The following SFMBT2 variants were observed in gnomAD, a reference collection of about 807,000 sequenced individuals.
The protein encoded by SFMBT2 is Scm like with four mbt domains 2.
SFMBT2 carries 38 observed loss-of-function variants against 110.1 expected under a neutral mutation model. That is an observed-to-expected ratio of 0.35 (90% CI 0.27 to 0.45). The LOEUF is 0.45. SFMBT2 is among the 20% of genes least tolerant of loss of function. SFMBT2 has a pLI of 1.00. For missense variants in SFMBT2, 1,011 were observed against 1,094.9 expected, an observed-to-expected ratio of 0.92 and a Z score of 1.08; for synonymous variants, 425 against 425.4, an observed-to-expected ratio of 1.00 and a Z score of 0.01.
rs776094094 is a variant in SFMBT2 at position 7,381,889 on chromosome 10, T to C, written c.10A>G (p.Thr4Ala). Residue 4 changes from threonine (T) to alanine (A), a missense_variant, in exon 2 of 21, where the codon ACT becomes GCT. Transcript: ENST00000397167. ...TCTTGCATATTGGAAGCTGACAAAG[T>C]GCTCTCCATGCCTGATGAGCAAGTG... MES[T>A]LSASNMQDPS... 1.2e-6 allele frequency: 2 copies of C among 1,610,250 alleles called. No individual in the cohort carries two copies. The highest frequency in any genetic ancestry group is 1.7e-5 in the Admixed American group (1 of 59,944).
chr10:7,182,013 C>T (rs946947513), intron 16 of SFMBT2, among the ~76,000 whole-genome samples: 2 of 152,106 alleles, frequency 1.3e-5, no homozygotes, highest in African/African-American at 4.8e-5. Context: ...CGTGACAGAC[C>T]TGGGGATGGC....
chr10:7,297,366 C>T (rs890689397), intron 4 of SFMBT2, among the ~76,000 whole-genome samples: 8 of 152,206 alleles, frequency 5.3e-5, no homozygotes, highest in African/African-American at 1.9e-4. Flanking sequence ...CTAACCTCTC[C>T]AGGTGTGTTT....
At chr10:7,409,660 A>T (rs1347386536) in intron 1 of SFMBT2, among the ~76,000 whole-genome samples, 2 of 151,908 alleles carry the variant, frequency 1.3e-5, no homozygotes, top group Non-Finnish European at 2.9e-5. Context: ...AAAACCGGAC[A>T]GCCCATTCCT....
intron 4 of SFMBT2, among the ~76,000 whole-genome samples, chr10:7,336,334 C>T (rs1297930021): frequency 6.6e-6 from 1 of 152,228 alleles, no homozygotes; most frequent in African/African-American, 2.4e-5. Flanking sequence ...AATTTCTAGA[C>T]TGGCTTGCCT....
intron 7 of SFMBT2, among the ~76,000 whole-genome samples, chr10:7,253,392 G>T (rs376929349): frequency 6.6e-5 from 10 of 152,158 alleles, no homozygotes; most frequent in South Asian, 2.1e-4. Flanking sequence ...CACTTGTGGG[G>T]TCTGCACTGC....
chr10:7,268,589 C>T (rs1341791288), intron 7 of SFMBT2, among the ~76,000 whole-genome samples: 2 of 152,050 alleles, frequency 1.3e-5, no homozygotes, highest in East Asian at 1.9e-4. Context: ...CGGCTCACTG[C>T]AATCTCCACC....
At chr10:7,229,879 C>T (rs538866021) in intron 9 of SFMBT2, among the ~76,000 whole-genome samples, 1 of 151,624 alleles carries the variant, frequency 6.6e-6, no homozygotes, top group African/African-American at 2.4e-5. Flanking sequence ...CGCCACCATG[C>T]CTGGCTAATT....
chr10:7,320,096 G>C (rs143802834), intron 4 of SFMBT2, among the ~76,000 whole-genome samples: 128 of 151,950 alleles, frequency 8.4e-4, no homozygotes, highest in Non-Finnish European at 1.2e-3. Context: ...GACAGAGACA[G>C]AGAGAGAGAG....
At chr10:7,280,780 T>C (rs1308809378) in intron 6 of SFMBT2, among the ~76,000 whole-genome samples, 1 of 152,230 alleles carries the variant, frequency 6.6e-6, no homozygotes, top group Non-Finnish European at 1.5e-5. Flanking sequence ...TTTCCTCTGA[T>C]TCAGGGCAAA....
At chr10:7,183,933 T>C (rs190520929) in intron 16 of SFMBT2, among the ~76,000 whole-genome samples, 128 of 152,318 alleles carry the variant, frequency 8.4e-4, no homozygotes, top group African/African-American at 3.0e-3. Flanking sequence ...GGGTTACACA[T>C]GTAAGTGGGC....
chr10:7,397,489 C>G (rs887282142), intron 1 of SFMBT2, among the ~76,000 whole-genome samples: 2 of 152,026 alleles, frequency 1.3e-5, no homozygotes, highest in East Asian at 3.8e-4. Context: ...CCTTGGAAAT[C>G]TAGCACGTCT....
chr10:7,394,911 T>G (rs1845881431), intron 1 of SFMBT2, among the ~76,000 whole-genome samples: 1 of 152,130 alleles, frequency 6.6e-6, no homozygotes, highest in Non-Finnish European at 1.5e-5. Context: ...GTCTGGCTCC[T>G]GATGAAGAAA....
At chr10:7,389,508 T>C (rs1845711568) in intron 1 of SFMBT2, among the ~76,000 whole-genome samples, 2 of 152,184 alleles carry the variant, frequency 1.3e-5, no homozygotes, top group Admixed American at 6.5e-5. Context: ...AAAAGGTAAC[T>C]TCCTGTTTTA....
At chr10:7,384,373 C>A (rs1336622821) in intron 1 of SFMBT2, among the ~76,000 whole-genome samples, 1 of 152,052 alleles carries the variant, frequency 6.6e-6, no homozygotes, top group Non-Finnish European at 1.5e-5. Context: ...ATGCCTAAAT[C>A]TAAGGCAGGT....
chr10:7,221,392 C>T (rs1265923907), intron 10 of SFMBT2, among the ~76,000 whole-genome samples: 1 of 151,812 alleles, frequency 6.6e-6, no homozygotes, highest in Non-Finnish European at 1.5e-5. Flanking sequence ...CATGATGAAA[C>T]TCCAACTCTA....
chr10:7,168,901 T>C (rs1313135234), intron 20 of SFMBT2, among the ~76,000 whole-genome samples: 3 of 152,162 alleles, frequency 2.0e-5, no homozygotes, highest in Non-Finnish European at 2.9e-5. Context: ...ACAGGAAGGG[T>C]GGCCAGTGTG....
At chr10:7,330,546 C>G (rs893873327) in intron 4 of SFMBT2, among the ~76,000 whole-genome samples, 3 of 152,148 alleles carry the variant, frequency 2.0e-5, no homozygotes, top group Non-Finnish European at 4.4e-5. Flanking sequence ...CAGGTACTTG[C>G]ATCACTTGGG....
chr10:7,368,013 T>A, intron 3 of SFMBT2, 124 bp from the exon 4 acceptor site: 1 of 1,363,914 alleles, frequency 7.3e-7, no homozygotes, highest in Non-Finnish European at 9.8e-7. Flanking sequence ...AAAACAGGCA[T>A]GTATTTATCT....
chr10:7,189,371 G>C (rs978627651), intron 15 of SFMBT2, among the ~76,000 whole-genome samples: 1 of 151,978 alleles, frequency 6.6e-6, no homozygotes, highest in Non-Finnish European at 1.5e-5. Context: ...ACAAGCATGT[G>C]TCTACCATGG....
Sources: gnomAD v4.1 joint callset for allele counts (sites outside exome capture counted in the v4.1 genomes callset) on GRCh38, gnomAD v4.1.1 for gene constraint, MANE v1.5 for transcripts, NCBI Gene and HGNC (gene_info 2026-07-23, HGNC 2026-07-21) for gene names.